The following TECRL variants were observed in gnomAD, a reference collection of about 807,000 sequenced individuals.
TECRL encodes the protein trans-2,3-enoyl-CoA reductase like.
TECRL carries 63 observed loss-of-function variants against 52.8 expected under a neutral mutation model. The observed-to-expected ratio is 1.19, with a 90% confidence interval of 0.97 to 1.47. The LOEUF (loss-of-function observed/expected upper bound fraction) is 1.47. TECRL is among the 40% of genes most tolerant of loss of function. TECRL has a pLI of 0.00. For missense variants in TECRL, 482 were observed against 429.6 expected (o/e 1.12, Z -1.08); for synonymous variants, 164 against 141.9 (o/e 1.16, Z -1.10).
intron 2 of TECRL, among the ~76,000 whole-genome samples, chr4:64,330,193 C>T (rs1427687281): frequency 6.6e-6 from 1 of 151,948 alleles, no homozygotes; most frequent in Non-Finnish European, 1.5e-5. Flanking sequence ...TTAGAAGAAC[C>T]GTGAAGTGTC....
intron 1 of TECRL, among the ~76,000 whole-genome samples, chr4:64,390,808 G>T (rs1333598718): frequency 6.6e-6 from 1 of 151,784 alleles, no homozygotes; most frequent in Non-Finnish European, 1.5e-5. Flanking sequence ...TTCAAATTTT[G>T]AAGTGATGGT....
At chr4:64,308,419 T>C (rs1432622542) in intron 6 of TECRL, among the ~76,000 whole-genome samples, 3 of 152,172 alleles carry the variant, frequency 2.0e-5, no homozygotes, top group South Asian at 4.1e-4. Context: ...TCATAAGTAA[T>C]AGCCAAGATG....
downstream of TECRL, chr4:64,277,567 C>T (rs577098579): frequency 6.6e-6 from 1 of 152,036 alleles, no homozygotes; most frequent in African/African-American, 2.4e-5. Context: ...TTAGTGGCCA[C>T]ATATGTTAGT....
At chr4:64,359,416 G>T (rs1260055329) in intron 2 of TECRL, among the ~76,000 whole-genome samples, 1 of 151,806 alleles carries the variant, frequency 6.6e-6, no homozygotes, top group South Asian at 2.1e-4. Context: ...AAATGATTCT[G>T]CTATAAATAG....
chr4:64,335,228 C>A (rs1026128787), intron 2 of TECRL, among the ~76,000 whole-genome samples: 1 of 152,178 alleles, frequency 6.6e-6, no homozygotes, highest in Non-Finnish European at 1.5e-5. Flanking sequence ...CCATTACTCA[C>A]ATTACCGTCT....
chr4:64,373,827 T>G (rs1039969307), intron 2 of TECRL, among the ~76,000 whole-genome samples: 1 of 145,462 alleles, frequency 6.9e-6, no homozygotes, highest in Admixed American at 7.2e-5. Flanking sequence ...GCAATTCAAT[T>G]ACTAGCTTAA....
At chr4:64,310,480 T>C (rs1724609698) in intron 5 of TECRL, among the ~76,000 whole-genome samples, 1 of 152,152 alleles carries the variant, frequency 6.6e-6, no homozygotes, top group Non-Finnish European at 1.5e-5. Flanking sequence ...TTTTGTCCCT[T>C]TGTGTGTTTG....
At chr4:64,325,533 G>GT (rs1407092312) in intron 3 of TECRL, among the ~76,000 whole-genome samples, 3 of 152,000 alleles carry the variant, frequency 2.0e-5, no homozygotes, top group Non-Finnish European at 4.4e-5. Context: ...ATAAATGATA[G>GT]TTTTTTTATA....
chr4:64,400,843 G>A (rs1350589193), intron 1 of TECRL, among the ~76,000 whole-genome samples: 3 of 152,128 alleles, frequency 2.0e-5, no homozygotes, highest in Non-Finnish European at 4.4e-5. Flanking sequence ...TTCCTGTACA[G>A]CCTGCAGAAC....
chr4:64,386,142 GT>G (rs949055161), intron 1 of TECRL, among the ~76,000 whole-genome samples: 13 of 152,206 alleles, frequency 8.5e-5, no homozygotes, highest in Admixed American at 1.3e-4. Context: ...ATAGCTTACT[GT>G]TGACTGGAAG....
chr4:64,370,954 G>A (rs962266333), intron 2 of TECRL, among the ~76,000 whole-genome samples: 14 of 151,632 alleles, frequency 9.2e-5, no homozygotes, highest in African/African-American at 1.9e-4. Flanking sequence ...TTAATAAAGG[G>A]CATGATTTGC....
downstream of TECRL, among the ~76,000 whole-genome samples, chr4:64,277,454 T>C: frequency 6.6e-6 from 1 of 152,008 alleles, no homozygotes; most frequent in East Asian, 1.9e-4. Flanking sequence ...TGAATAGATA[T>C]TAGGGAGTGA....
intron 4 of TECRL, among the ~76,000 whole-genome samples, 163 bp downstream of exon 4, chr4:64,322,526 T>C: frequency 6.6e-6 from 1 of 151,798 alleles, no homozygotes; most frequent in East Asian, 1.9e-4. Context: ...GCTCCAATAC[T>C]TGAGTAGAAC....
rs547657937 is a variant in TECRL at position 64,367,691 on chromosome 4, C to T, written c.286+7481G>A. Reference sequence around the variant, plus strand: ...TAATGACCTTCAAAATCATAATGATCTTTTGTCTAAAATTGAAGAATAATA... The same window carrying T: ...TAATGACCTTCAAAATCATAATGATTTTTTGTCTAAAATTGAAGAATAATA... On this transcript the variant is annotated intron_variant, in intron 2 of 11. Coordinates refer to ENST00000381210, the MANE Select transcript of TECRL (RefSeq NM_001010874.5). Among the ~76,000 whole-genome samples, 7 of 151,990 alleles carry T rather than the reference C, an allele frequency of 4.6e-5. No homozygotes were observed. The East Asian group carries it at 1.4e-3, about 29-fold the overall frequency.
intron 4 of TECRL, 75 bp downstream of exon 4, chr4:64,322,614 A>G: frequency 9.8e-7 from 1 of 1,018,470 alleles, no homozygotes; most frequent in Non-Finnish European, 1.4e-6. Flanking sequence ...AGTTTATTTG[A>G]TAGAATTAAT....
intron 1 of TECRL, among the ~76,000 whole-genome samples, chr4:64,399,893 A>G (rs1724229258): frequency 6.6e-6 from 1 of 152,150 alleles, no homozygotes; most frequent in Admixed American, 6.6e-5. Context: ...AACCACTACT[A>G]GGGCCGTGCA....
chr4:64,403,817 G>A (rs1156523001), intron 1 of TECRL, among the ~76,000 whole-genome samples: 4 of 151,198 alleles, frequency 2.6e-5, no homozygotes, highest in African/African-American at 9.7e-5. Context: ...GCAGGAATAT[G>A]AGGAAGAGGC....
chr4:64,358,508 A>G (rs189176601), intron 2 of TECRL, among the ~76,000 whole-genome samples: 97 of 151,786 alleles, frequency 6.4e-4, no homozygotes, highest in African/African-American at 2.3e-3. Flanking sequence ...GGTATTGGAG[A>G]ACAATAGGTA....
At chr4:64,382,273 ATATATTATAT>A (rs1199443412) in intron 1 of TECRL, among the ~76,000 whole-genome samples, 2 of 144,492 alleles carry the variant, frequency 1.4e-5, no homozygotes, top group African/African-American at 5.1e-5. Flanking sequence ...GTTATATATT[ATATATTATAT>A]TATATTATAT....
Sources: allele counts gnomAD v4.1 joint callset (sites outside exome capture counted in the v4.1 genomes callset), GRCh38; gene constraint gnomAD v4.1.1; transcripts MANE v1.5; gene names NCBI Gene and HGNC (gene_info 2026-07-23, HGNC 2026-07-21).